Variants in ANKRD11 observed in about 807,000 individuals in gnomAD.
The protein encoded by ANKRD11 is ankyrin repeat domain 11.
ANKRD11 carries 17 observed loss-of-function variants against 195.7 expected under a neutral mutation model. The observed-to-expected ratio is 0.09, with a 90% confidence interval of 0.06 to 0.13. The LOEUF is 0.13. Among genes scored for constraint, ANKRD11 ranks in the 10% least tolerant of loss-of-function variants. The pLI is 1.00. For synonymous variants in ANKRD11, 1,953 were observed against 1,528.1 expected (o/e 1.28, Z -6.49); for missense variants, 3,735 against 3,566.1 (o/e 1.05, Z -1.21).
intron 2 of ANKRD11, among the ~76,000 whole-genome samples, chr16:89,410,508 C>T (rs188165140): frequency 8.3e-4 from 127 of 152,220 alleles, no homozygotes; most frequent in African/African-American, 2.9e-3. Context: ...CACGCAGAGC[C>T]ACGGAAGGGA....
In ANKRD11 at chr16:89,281,144, C is replaced by T. The variant is rs369218399; in HGVS notation, c.5398G>A (p.Glu1800Lys). 4.6e-5 allele frequency: 75 copies of T among 1,613,610 alleles called. No individual in the cohort carries two copies. Among genetic ancestry groups the T allele is most frequent in the South Asian group, 7.7e-5 (7 of 91,080 alleles). ...SVSVDIRRTPEEEFSVGDKLF... is the reference protein window; with the variant it reads ...SVSVDIRRTPKEEFSVGDKLF... ...TTGTCTCCGACGCTGAATTCTTCCT[C>T]GGGGGTCCTCCTAATGTCGACAGAG... is the stretch of plus-strand genomic sequence containing the variant. Residue 1800 changes from glutamate to lysine, a missense_variant, in exon 9 of 13, where the codon GAG (glutamate) becomes AAG (lysine). Physicochemically the swap from Glu to Lys is moderately conservative, Grantham distance 56 (BLOSUM62 1). Transcript: ENST00000301030. The surrounding 1 kb of genome is among the most constrained non-coding windows in gnomAD (Gnocchi z 5.5).
Position 89,279,917 on chromosome 16 carries a change from C to T in ANKRD11, c.6625G>A (p.Gly2209Arg), listed in dbSNP as rs756336381. The change falls in exon 9 of 13, where the codon GGG (glycine) becomes AGG (arginine). Residue 2209 changes from glycine to arginine, a missense_variant. Coordinates refer to ENST00000301030, the MANE Select transcript of ANKRD11 (RefSeq NM_013275.6). The surrounding 1 kb of genome is among the most constrained non-coding windows in gnomAD (Gnocchi z 5.6). ...AGAGCCACGTCCAGCTTTGGCTCCC[C>T]TGAGGGCTCAGGCTCGAGCTCTGCA... is the stretch of plus-strand genomic sequence containing the variant. ...LPAELEPEPS[G>R]EPKLDVALEA... The T allele has an allele frequency of 1.9e-6, 3 of 1,609,852 alleles. No individual in the cohort carries two copies. The East Asian group carries it at 6.7e-5, about 36-fold the overall frequency.
intron 2 of ANKRD11, among the ~76,000 whole-genome samples, chr16:89,389,074 G>C (rs111258579): frequency 0.012 from 1,790 of 152,292 alleles, 26 homozygotes; most frequent in South Asian, 0.046. Flanking sequence ...GACAGCAATG[G>C]ATTACAGTGC....
At chr16:89,287,323 G>A (rs1372386883) in intron 7 of ANKRD11, 1 of 337,980 alleles carries the variant, frequency 3.0e-6, no homozygotes, top group Non-Finnish European at 5.8e-6. Flanking sequence ...CCCTGGGCCT[G>A]CAAGATGACC....
chr16:89,340,325 T>C (rs577287041), intron 2 of ANKRD11, among the ~76,000 whole-genome samples: 2 of 152,400 alleles, frequency 1.3e-5, no homozygotes, highest in African/African-American at 4.8e-5. Flanking sequence ...TCGCCCAGGC[T>C]GAAGTGCAGT....
At position 89,354,217 on chromosome 16, in the gene ANKRD11, A is replaced by C. The variant is rs145643569; in HGVS notation, c.-59-37139T>G. Among the ~76,000 whole-genome samples the C allele has an allele frequency of 2.3e-3, 347 of 149,240 alleles. 4 individuals carry two copies. Among genetic ancestry groups the C allele is most frequent in the East Asian group, 7.7e-3 (39 of 5,082 alleles). On this transcript the variant is annotated intron_variant, in intron 2 of 12. Coordinates refer to ENST00000301030, the MANE Select transcript of ANKRD11 (RefSeq NM_013275.6). Reference sequence around the variant, plus strand: ...GCACGCATTTTCACAAATTTTACATATATATAACTAAATTTTGCATTCAGC... The same window carrying C: ...GCACGCATTTTCACAAATTTTACATCTATATAACTAAATTTTGCATTCAGC...
chr16:89,402,748 G>T (rs1181110447), intron 2 of ANKRD11, among the ~76,000 whole-genome samples: 1 of 142,512 alleles, frequency 7.0e-6, no homozygotes, highest in African/African-American at 2.6e-5. Context: ...GAGATAGGGG[G>T]TATCTGCAGG....
intron 3 of ANKRD11, among the ~76,000 whole-genome samples, 158 bp from the exon 4 acceptor site, chr16:89,305,502 C>T (rs1437302675): frequency 1.3e-5 from 2 of 152,098 alleles, no homozygotes; most frequent in African/African-American, 4.8e-5. Flanking sequence ...GGTCACCGAC[C>T]GCAGAACCTT....
At chr16:89,305,167 T>C in intron 4 of ANKRD11, 39 bp downstream of exon 4, 2 of 1,604,352 alleles carry the variant, frequency 1.2e-6, no homozygotes, top group East Asian at 2.2e-5. Flanking sequence ...CCGGGCTGCC[T>C]GTGGAGGGCT....
chr16:89,295,984 CCTT>C (rs1316350453), intron 4 of ANKRD11, among the ~76,000 whole-genome samples: 1 of 18,232 alleles, frequency 5.5e-5, no homozygotes, highest in South Asian at 1.7e-3. Context: ...TATCTGGCTG[CCTT>C]TTTTTTTTTT....
chr16:89,276,191 A>G (rs2033636339), intron 9 of ANKRD11, among the ~76,000 whole-genome samples: 1 of 152,184 alleles, frequency 6.6e-6, no homozygotes. Flanking sequence ...GGGGCGACTC[A>G]TGGCATGAGA....
At position 89,305,301 on chromosome 16, in the gene ANKRD11, C is replaced by T. The variant is rs1010844836; in HGVS notation, c.131G>A (p.Arg44His). Residue 44 changes from arginine to histidine, a missense_variant, in exon 4 of 13, where the codon CGT (arginine) becomes CAT (histidine). By Grantham distance (29) the Arg-to-His change is conservative (BLOSUM62 0). Coordinates refer to ENST00000301030, the MANE Select transcript of ANKRD11 (RefSeq NM_013275.6). ...CCTCACCTCCTTCCCGCCATCGCCACGCTCCAGTTTTGGGGTCTTGGTTAG... is the reference window on the plus strand; with the variant it reads ...CCTCACCTCCTTCCCGCCATCGCCATGCTCCAGTTTTGGGGTCTTGGTTAG... ...VSLTKTPKLE[R>H]GDGGKEVRER... 8.7e-6 allele frequency: 14 copies of T among 1,613,878 alleles called. No individual in the cohort carries two copies. The highest frequency in any genetic ancestry group is 1.3e-5 in the African/African-American group (1 of 74,926).
intron 2 of ANKRD11, among the ~76,000 whole-genome samples, chr16:89,391,101 G>A (rs185270482): frequency 9.3e-4 from 141 of 152,096 alleles, no homozygotes; most frequent in Non-Finnish European, 1.4e-3. Context: ...GGTGGTGGGC[G>A]CCTGTAGTCC....
chr16:89,372,099 C>T lies in ANKRD11; in HGVS notation c.-60+46185G>A, dbSNP rs1302165046. ...TGAGGAACCACAAGGACCACCACGG[C>T]GGGCACCCGGCCCTCGCATGCACAC... On this transcript the variant is annotated intron_variant, in intron 2 of 12. Coordinates refer to ENST00000301030, the MANE Select transcript of ANKRD11 (RefSeq NM_013275.6). Among the ~76,000 whole-genome samples, 3 of 152,196 alleles carry T rather than the reference C, an allele frequency of 2.0e-5. No homozygotes were observed. The South Asian group carries it at 6.2e-4, about 31-fold the overall frequency.
rs1276346870 is a variant in ANKRD11 at position 89,268,634 on chromosome 16, C to T, written c.7836G>A (p.Glu2612=). 6.4e-7 allele frequency: 1 copy of T among 1,574,402 alleles called. No homozygotes were observed. Among genetic ancestry groups the T allele is most frequent in the Non-Finnish European group, 8.6e-7 (1 of 1,160,528 alleles). Residue 2612 remains glutamate, a synonymous_variant, in exon 13 of 13, where the codon GAG becomes GAA. Transcript: ENST00000301030. ...KTCLLMRQQH[E]AAALNAVQRM... Reference sequence around the variant, plus strand: ...TCTGCACGGCGTTCAGGGCCGCGGCCTCGTGCTGCTGCCGCATGAGGAGGC... The same window carrying T: ...TCTGCACGGCGTTCAGGGCCGCGGCTTCGTGCTGCTGCCGCATGAGGAGGC...
At chr16:89,470,867 T>C (rs2057059664) in intron 1 of ANKRD11, among the ~76,000 whole-genome samples, 1 of 151,836 alleles carries the variant, frequency 6.6e-6, no homozygotes, top group Admixed American at 6.6e-5. Flanking sequence ...GTGGCGGACA[T>C]TTGTAGTCCC....
intron 1 of ANKRD11, among the ~76,000 whole-genome samples, chr16:89,455,712 C>T (rs1290090483): frequency 6.6e-6 from 1 of 152,170 alleles, no homozygotes; most frequent in African/African-American, 2.4e-5. Context: ...GCCCCCATTG[C>T]TGGTACAAAA....
At chr16:89,470,106 C>T (rs2057024956) in intron 1 of ANKRD11, among the ~76,000 whole-genome samples, 1 of 151,664 alleles carries the variant, frequency 6.6e-6, no homozygotes, top group Non-Finnish European at 1.5e-5. Context: ...CGGGGTTTCA[C>T]CGTGTTAGCC....
chr16:89,389,026 G>A (rs1040649448), intron 2 of ANKRD11, among the ~76,000 whole-genome samples: 2 of 152,174 alleles, frequency 1.3e-5, no homozygotes, highest in Admixed American at 1.3e-4. Flanking sequence ...ATATTCTCAG[G>A]CATGGAAGGT....
Sources: allele counts gnomAD v4.1 joint callset (sites outside exome capture counted in the v4.1 genomes callset), GRCh38; gene constraint gnomAD v4.1.1; non-coding constraint Gnocchi (gnomAD v3.1); transcripts MANE v1.5; gene names NCBI Gene and HGNC (gene_info 2026-07-23, HGNC 2026-07-21).